Variants in IL31RA observed in about 807,000 individuals in gnomAD.
IL31RA encodes interleukin-31 receptor subunit alpha.
IL31RA carries 66 observed loss-of-function variants against 83.7 expected under a neutral mutation model. That is an observed-to-expected ratio of 0.79 (90% confidence interval 0.65 to 0.97). IL31RA has a LOEUF of 0.97. Among genes scored for constraint, IL31RA ranks in the 50% least tolerant of loss-of-function variants. The pLI, the probability that IL31RA is intolerant of heterozygous loss-of-function variation, is 0.00. For synonymous variants in IL31RA, 325 were observed against 329.0 expected, an observed-to-expected ratio of 0.99 and a Z score of 0.13; for missense variants, 798 against 919.4, an observed-to-expected ratio of 0.87 and a Z score of 1.71.
intron 8 of IL31RA, among the ~76,000 whole-genome samples, chr5:55,902,901 G>A (rs1748915680): frequency 6.6e-6 from 1 of 152,180 alleles, no homozygotes; most frequent in Non-Finnish European, 1.5e-5. Context: ...ATTCAGGCAA[G>A]CTTAGTAATG....
intron 13 of IL31RA, 74 bp downstream of exon 13, chr5:55,913,644 G>A (rs1228164094): frequency 2.0e-5 from 18 of 880,472 alleles, no homozygotes; most frequent in South Asian, 9.2e-5. Flanking sequence ...TAGGTGCTTC[G>A]TAGGAGAGGG....
intron 8 of IL31RA, among the ~76,000 whole-genome samples, chr5:55,905,166 A>AAC (rs1749065139): frequency 6.7e-6 from 1 of 149,508 alleles, no homozygotes; most frequent in Non-Finnish European, 1.5e-5. Context: ...ATGCCACTGC[A>AAC]CTCCAGCCTG....
chr5:55,857,339 G>T (rs192777206), intron 1 of IL31RA, among the ~76,000 whole-genome samples: 1 of 152,192 alleles, frequency 6.6e-6, no homozygotes, highest in Non-Finnish European at 1.5e-5. Context: ...GACCTCAAGT[G>T]ATCCGCCCAC....
chr5:55,849,853 C>G (rs1745012218), upstream of IL31RA, among the ~76,000 whole-genome samples: 1 of 152,106 alleles, frequency 6.6e-6, no homozygotes, highest in Admixed American at 6.5e-5. Context: ...TTGGCTTATG[C>G]TCTTGTTTTT....
chr5:55,855,318 T>A (rs528201523), intron 1 of IL31RA, among the ~76,000 whole-genome samples: 110 of 148,684 alleles, frequency 7.4e-4, no homozygotes, highest in African/African-American at 2.6e-3. Context: ...TAATTTAAAA[T>A]ATATATATAT....
intron 5 of IL31RA, among the ~76,000 whole-genome samples, chr5:55,886,268 C>CTCT (rs1554016379): frequency 1.4e-4 from 10 of 71,506 alleles, no homozygotes; most frequent in African/African-American, 7.3e-4. Flanking sequence ...TGCTTGCTTG[C>CTCT]TTTTTTTTTT....
At chr5:55,882,941 C>G (rs537920362) in intron 4 of IL31RA, 103 bp from the exon 5 acceptor site, 6 of 1,071,218 alleles carry the variant, frequency 5.6e-6, no homozygotes, top group Non-Finnish European at 7.2e-6. Context: ...TTCCATATAG[C>G]AGACCACAAT....
At chr5:55,850,573 T>C (rs776528937), upstream of IL31RA, among the ~76,000 whole-genome samples, 1 of 152,246 alleles carries the variant, frequency 6.6e-6, no homozygotes, top group Non-Finnish European at 1.5e-5. Flanking sequence ...TTAAAAAATA[T>C]TCTGCTTTCT....
upstream of IL31RA, among the ~76,000 whole-genome samples, chr5:55,847,078 A>C (rs1456120673): frequency 1.3e-5 from 2 of 151,198 alleles, no homozygotes; most frequent in Non-Finnish European, 2.9e-5. Context: ...TCCCATCTCT[A>C]CTAAAAATAC....
rs750376961 is a variant in IL31RA, at chr5:55,910,691, C to G, written c.1642+19C>G. 2.3e-5 allele frequency: 37 copies of G among 1,613,106 alleles called. No homozygotes were observed. In the South Asian group the frequency reaches 3.4e-4, roughly 15 times the overall value. ...TCATTCAGTGAGTATTTCCTTCAAG[C>G]CTTAGGTACCTCTCCCTCACGTTTA... On this transcript the variant is annotated intron_variant, in intron 12 of 14. Transcript: ENST00000652347.
chr5:55,909,042 T>A (rs1289579341), intron 11 of IL31RA: 1 of 277,114 alleles, frequency 3.6e-6, no homozygotes, highest in Non-Finnish European at 5.6e-6. Flanking sequence ...CATTAGTCAC[T>A]CCCCATTCCT....
chr5:55,871,933 A>C (rs889122158), intron 3 of IL31RA, among the ~76,000 whole-genome samples: 1 of 152,082 alleles, frequency 6.6e-6, no homozygotes, highest in Non-Finnish European at 1.5e-5. Flanking sequence ...TAAGGCTAGA[A>C]TCTGGAGTTT....
chr5:55,896,354 A>G lies in IL31RA; in HGVS notation c.777A>G (p.Pro259=), dbSNP rs113369999. 26 of 1,611,374 alleles carry G rather than the reference A, an allele frequency of 1.6e-5. No individual in the cohort carries two copies. The highest frequency in any genetic ancestry group is 1.1e-4 in the African/African-American group (8 of 74,790). ...CCTCATTCTTGTTCCTTACAGCTCC[A>G]TGTGGCCTGGAACTGTGGAGAGTCC... is the stretch of plus-strand genomic sequence containing the variant. ...EKMGMTEEEA[P]CGLELWRVLK... Residue 259 remains proline (P), a synonymous_variant, in exon 7 of 15, where the codon CCA becomes CCG. Transcript: ENST00000652347.
At chr5:55,847,249 A>G (rs1308225126), upstream of IL31RA, among the ~76,000 whole-genome samples, 464 of 48,024 alleles carry the variant, frequency 9.7e-3, 9 homozygotes, top group African/African-American at 0.011. Flanking sequence ...AAATAAAAAT[A>G]AATAAATAAA....
intron 8 of IL31RA, among the ~76,000 whole-genome samples, chr5:55,902,795 A>G (rs1748909262): frequency 1.3e-5 from 2 of 152,236 alleles, no homozygotes; most frequent in South Asian, 4.1e-4. Context: ...AGTATGTGTC[A>G]GGAATTGTGC....
chr5:55,880,544 G>A (rs776555762), intron 4 of IL31RA, among the ~76,000 whole-genome samples: 1 of 152,170 alleles, frequency 6.6e-6, no homozygotes, highest in Non-Finnish European at 1.5e-5. Context: ...TAGCTAGCAA[G>A]AGTCTGGTGA....
At chr5:55,866,055 TC>T (rs552258368) in intron 2 of IL31RA, among the ~76,000 whole-genome samples, 41 of 152,300 alleles carry the variant, frequency 2.7e-4, no homozygotes, top group Admixed American at 4.6e-4. Context: ...TTGTCCATGG[TC>T]CTGAAGTTCC....
At chr5:55,899,310 G>A (rs1748661170) in intron 7 of IL31RA, among the ~76,000 whole-genome samples, 1 of 152,146 alleles carries the variant, frequency 6.6e-6, no homozygotes, top group Non-Finnish European at 1.5e-5. Flanking sequence ...CTGGTGAGTG[G>A]GCCCAAGTTC....
At chr5:55,890,672 T>A (rs1747928396) in intron 6 of IL31RA, among the ~76,000 whole-genome samples, 1 of 152,236 alleles carries the variant, frequency 6.6e-6, no homozygotes, top group Non-Finnish European at 1.5e-5. Flanking sequence ...GCCCCGCCAG[T>A]ATCATATCAT....
Sources: gnomAD v4.1 joint callset for allele counts (sites outside exome capture counted in the v4.1 genomes callset) on GRCh38, gnomAD v4.1.1 for gene constraint, MANE v1.5 for transcripts, NCBI Gene and HGNC (gene_info 2026-07-23, HGNC 2026-07-21) for gene names.